The following LRCH3 variants were observed in gnomAD, a reference collection of about 807,000 sequenced individuals.
The protein encoded by LRCH3 is DISP complex protein LRCH3.
A neutral mutation model predicts 104.5 loss-of-function variants in LRCH3; 68 were observed. The observed-to-expected ratio is 0.65, with a 90% CI of 0.54 to 0.80. LRCH3 has a LOEUF of 0.80. Ranked by LOEUF, LRCH3 falls within the 30% of genes least tolerant of loss-of-function variation. The pLI, the probability that LRCH3 is intolerant of heterozygous loss-of-function variation, is 0.00. For synonymous variants in LRCH3, 344 were observed against 361.3 expected (o/e 0.95, Z 0.54); for missense variants, 951 against 953.9 (o/e 1.00, Z 0.04).
intron 12 of LRCH3, chr3:197,850,379 AC>A: frequency 1.1e-6 from 1 of 888,208 alleles, no homozygotes; most frequent in Non-Finnish European, 1.6e-6. Context: ...CCTTTTAATT[AC>A]ATTTATTTTA....
chr3:197,878,840 T>TC (rs1211689079), intron 20 of LRCH3, among the ~76,000 whole-genome samples: 1 of 152,176 alleles, frequency 6.6e-6, no homozygotes, highest in African/African-American at 2.4e-5. Context: ...TACTTAAACA[T>TC]CCCCACTTTG....
intron 1 of LRCH3, among the ~76,000 whole-genome samples, chr3:197,795,685 T>TTTTTC (rs1731117320): frequency 7.5e-6 from 1 of 133,256 alleles, no homozygotes; most frequent in African/African-American, 3.1e-5. Context: ...AAAAAGTTGT[T>TTTTTC]GTTTTTTTTT....
chr3:197,829,326 T>C (rs904920810), intron 5 of LRCH3, among the ~76,000 whole-genome samples: 1 of 152,192 alleles, frequency 6.6e-6, no homozygotes, highest in Non-Finnish European at 1.5e-5. Flanking sequence ...CAAAAGTTAT[T>C]TATTTATATA....
chr3:197,871,282 G>C lies in LRCH3; in HGVS notation c.1993-43G>C, dbSNP rs768545121. The C allele has an allele frequency of 2.7e-6, 4 of 1,476,458 alleles. No individual in the cohort carries two copies. In the Admixed American group the frequency reaches 6.8e-5, roughly 25 times the overall value. 91.5% of individuals were successfully genotyped at this position (1,476,458 alleles called of 1,614,324 possible). A position where few individuals can be genotyped will look rare whatever the true frequency, so the allele number is the denominator to read the frequency against. On this transcript the variant is annotated intron_variant, in intron 18 of 20. Coordinates refer to ENST00000425562, the MANE Select transcript of LRCH3 (RefSeq NM_001365715.1). ...TAACTCCCTTATGTCCTATATGTCA[G>C]TCTTTCTTCAATTAATCTATTACAT... is the stretch of plus-strand genomic sequence containing the variant.
intron 1 of LRCH3, among the ~76,000 whole-genome samples, chr3:197,812,504 G>GT (rs71623380): frequency 0.065 from 3,178 of 48,838 alleles, 822 homozygotes; most frequent in East Asian, 0.13. Context: ...TCTGCTTTCA[G>GT]TTTTTTTTTT....
chr3:197,817,053 G>C, intron 2 of LRCH3, 123 bp from the exon 3 acceptor site: 4 of 824,268 alleles, frequency 4.9e-6, no homozygotes, highest in Non-Finnish European at 7.2e-6. Context: ...TAGAACTCCA[G>C]TACCCTGTTT....
In LRCH3 at chr3:197,868,031, CAAAA is replaced by C. The variant is rs371231580; in HGVS notation, c.1873+1817_1873+1820del. On this transcript the variant is annotated intron_variant, in intron 17 of 20. Transcript: ENST00000425562. Reference sequence around the variant, plus strand: ...AAAGTGAAACCCTGTCTCAAAAAAACAAAAAAAACACAACTTACCTTCAATGTTA... The same window carrying C: ...AAAGTGAAACCCTGTCTCAAAAAAACAAAACACAACTTACCTTCAATGTTA... Among the ~76,000 whole-genome samples, 525 of 151,386 alleles carry C rather than the reference CAAAA, an allele frequency of 3.5e-3. 2 individuals carry two copies. The highest frequency in any genetic ancestry group is 9.4e-3 in the African/African-American group (388 of 41,272).
At chr3:197,827,853 C>T (rs1251410591) in intron 5 of LRCH3, among the ~76,000 whole-genome samples, 2 of 151,848 alleles carry the variant, frequency 1.3e-5, no homozygotes, top group African/African-American at 2.4e-5. Flanking sequence ...CCGAGGTGGG[C>T]AGATCATGAG....
chr3:197,881,472 A>T (rs1280310624), intron 20 of LRCH3: 1 of 985,342 alleles, frequency 1.0e-6, no homozygotes, highest in Admixed American at 6.1e-5. Context: ...TGTGTTTGTT[A>T]TGTGTGACTG....
chr3:197,836,943 G>A (rs1736886656), intron 9 of LRCH3, among the ~76,000 whole-genome samples: 1 of 152,104 alleles, frequency 6.6e-6, no homozygotes, highest in Non-Finnish European at 1.5e-5. Context: ...CTCCCAAAGT[G>A]CTGGGATTAC....
intron 10 of LRCH3, 118 bp from the exon 11 acceptor site, chr3:197,847,291 A>G (rs1407291017): frequency 1.2e-6 from 1 of 863,014 alleles, no homozygotes; most frequent in South Asian, 1.9e-5. Flanking sequence ...CTAACTAGGC[A>G]GTTTGCTACT....
At chr3:197,871,081 G>T (rs1712126491) in intron 18 of LRCH3, among the ~76,000 whole-genome samples, 6 of 146,858 alleles carry the variant, frequency 4.1e-5, no homozygotes, top group Admixed American at 2.7e-4. Flanking sequence ...GAGAATCTAG[G>T]TTTTTTTTTT....
At chr3:197,839,504 T>C in intron 10 of LRCH3, 107 bp downstream of exon 10, 3 of 641,552 alleles carry the variant, frequency 4.7e-6, no homozygotes, top group Non-Finnish European at 8.0e-6. Flanking sequence ...TTACATGGCA[T>C]GTATTTAGAA....
intron 7 of LRCH3, chr3:197,831,225 C>A: frequency 5.3e-6 from 1 of 188,446 alleles, no homozygotes; most frequent in South Asian, 1.0e-4. Context: ...TGGGTAGAGA[C>A]AAGGACCTTA....
Position 197,883,189 on chromosome 3 carries a change from T to A in LRCH3, c.2209-352T>A. The stretch of plus-strand genomic sequence containing the variant: ...TGGAATTGTTTTTCTATTTTTCACC[T>A]GCCTATTTTATAGACCTGTATTGAC... On this transcript the variant is annotated intron_variant, in intron 20 of 20. Coordinates refer to ENST00000425562, the MANE Select transcript of LRCH3 (RefSeq NM_001365715.1). This position sits in a 1 kb window ranked among gnomAD's most constrained non-coding sequence, Gnocchi z 4.2. The A allele has an allele frequency of 1.0e-6, 1 of 995,656 alleles. No individual in the cohort carries two copies. Among genetic ancestry groups the A allele is most frequent in the Non-Finnish European group, 1.2e-6 (1 of 836,820 alleles). 61.7% of individuals were successfully genotyped at this position (995,656 alleles called of 1,614,324 possible). A position where few individuals can be genotyped will look rare whatever the true frequency, so the allele number is the denominator to read the frequency against.
intron 8 of LRCH3, 40 bp from the exon 9 acceptor site, chr3:197,835,634 G>GGTGTGT (rs372783553): frequency 3.0e-6 from 4 of 1,324,512 alleles, no homozygotes; most frequent in Non-Finnish European, 4.1e-6. Context: ...GTTTTTTTCT[G>GGTGTGT]GTGTGTGTGT....
At chr3:197,820,213 T>A in intron 3 of LRCH3, 112 bp from the exon 4 acceptor site, 1 of 725,744 alleles carries the variant, frequency 1.4e-6, no homozygotes, top group Non-Finnish European at 2.4e-6. Flanking sequence ...TGAATTAAGC[T>A]ATTAAGTGAG....
chr3:197,852,616 G>A lies in LRCH3; in HGVS notation c.1586G>A (p.Gly529Asp). 1.2e-6 allele frequency: 2 copies of A among 1,613,974 alleles called. No homozygotes were observed. The highest frequency in any genetic ancestry group is 1.7e-6 in the Non-Finnish European group (2 of 1,179,882). ...CACCCGCTCCTAGATGGCGTAGATGGTGAGGTAAGTTGATGTAATCTCCTT... is the reference window on the plus strand; with the variant it reads ...CACCCGCTCCTAGATGGCGTAGATGATGAGGTAAGTTGATGTAATCTCCTT... ...KQHPLLDGVD[G>D]ECPFPSRRSQ... Residue 529 changes from glycine to aspartate, a missense_variant, in exon 13 of 21, where the codon GGT (glycine) becomes GAT (aspartate). Transcript: ENST00000425562.
intron 12 of LRCH3, 104 bp from the exon 13 acceptor site, chr3:197,852,456 TA>T: frequency 2.7e-6 from 3 of 1,101,408 alleles, no homozygotes; most frequent in African/African-American, 1.6e-5. Flanking sequence ...AAACAAGAGG[TA>T]AAAAAATTAA....
Sources: allele counts gnomAD v4.1 joint callset (sites outside exome capture counted in the v4.1 genomes callset), GRCh38; gene constraint gnomAD v4.1.1; non-coding constraint Gnocchi (gnomAD v3.1); transcripts MANE v1.5; gene names NCBI Gene and HGNC (gene_info 2026-07-23, HGNC 2026-07-21).